The following ATP2C1 variants were observed in gnomAD, a reference collection of about 807,000 sequenced individuals.
ATP2C1 encodes ATPase secretory pathway Ca2+ transporting 1, also known as calcium-transporting ATPase type 2C member 1.
In ATP2C1, 31 loss-of-function variants were observed where a neutral mutation model predicts 120.5. The observed-to-expected ratio is 0.26, with a 90% CI of 0.19 to 0.35. The LOEUF (loss-of-function observed/expected upper bound fraction) is 0.35, where lower values mean the gene tolerates loss of function less well. Among genes scored for constraint, ATP2C1 ranks in the 10% least tolerant of loss-of-function variants. The pLI is 1.00. For synonymous variants in ATP2C1, 351 were observed against 358.7 expected, an observed-to-expected ratio of 0.98 and a Z score of 0.24; for missense variants, 731 against 1,107.5, an observed-to-expected ratio of 0.66 and a Z score of 4.83.
In ATP2C1 at chr3:130,964,038, A is replaced by G; in HGVS notation, c.967A>G (p.Met323Val). ...VVTVTLALGV[M>V]RMVKKRAIVK... is the part of the protein sequence containing the mutation. ...CACAGTGACGCTAGCTCTTGGTGTT[A>G]TGAGAATGGTGAAGAAAAGGGCCAT... The change falls in exon 13 of 28, where the codon ATG becomes GTG. Residue 323 changes from methionine to valine, a missense_variant. Around this residue, in one of 3 missense-constraint regions of ATP2C1, gnomAD observed 571 missense variants for 845.9 expected, o/e 0.67. Coordinates refer to ENST00000510168, the MANE Select transcript of ATP2C1 (RefSeq NM_001378687.1). The G allele has an allele frequency of 1.2e-6, 2 of 1,612,786 alleles. No individual in the cohort carries two copies. Among genetic ancestry groups the G allele is most frequent in the Non-Finnish European group, 1.7e-6 (2 of 1,178,996 alleles).
chr3:130,893,853 C>A, upstream of ATP2C1: 1 of 889,092 alleles, frequency 1.1e-6, no homozygotes, highest in Non-Finnish European at 1.3e-6. Flanking sequence ...CAACCCCGAG[C>A]GACCTCCTAC....
intron 20 of ATP2C1, among the ~76,000 whole-genome samples, chr3:130,987,364 TGTA>T (rs2062069630): frequency 6.6e-6 from 1 of 151,992 alleles, no homozygotes; most frequent in Non-Finnish European, 1.5e-5. Context: ...TAGGCTAGAG[TGTA>T]GTGGTGTGAC....
chr3:130,918,230 G>C (rs749184494), intron 2 of ATP2C1: 3 of 1,471,796 alleles, frequency 2.0e-6, no homozygotes, highest in Non-Finnish European at 2.8e-6. Context: ...TACTGGGCAT[G>C]AACAAGAGCC....
At chr3:130,918,274 A>C in intron 2 of ATP2C1, 1 of 1,547,672 alleles carries the variant, frequency 6.5e-7, no homozygotes, top group Non-Finnish European at 8.9e-7. Context: ...CCTTGGGCCC[A>C]AAGTTCTTTG....
At chr3:130,956,061 A>G (rs1188241589) in intron 10 of ATP2C1, 43 bp from the exon 11 acceptor site, 1 of 1,358,846 alleles carries the variant, frequency 7.4e-7, no homozygotes, top group East Asian at 2.3e-5. Flanking sequence ...AAAGCTTAGT[A>G]AATATAGCTA....
chr3:130,985,715 T>C (rs1438936714), intron 20 of ATP2C1, among the ~76,000 whole-genome samples: 1 of 135,312 alleles, frequency 7.4e-6, no homozygotes, highest in Non-Finnish European at 1.5e-5. Flanking sequence ...AAATATGACA[T>C]GGAAAAGCAT....
chr3:130,984,269 A>G (rs2108807567), intron 20 of ATP2C1, among the ~76,000 whole-genome samples: 2 of 152,056 alleles, frequency 1.3e-5, no homozygotes, highest in African/African-American at 4.8e-5. Flanking sequence ...CCCAACTCTG[A>G]TTATTATTAT....
At chr3:130,965,860 A>G (rs2061026265) in intron 14 of ATP2C1, among the ~76,000 whole-genome samples, 1 of 152,130 alleles carries the variant, frequency 6.6e-6, no homozygotes, top group African/African-American at 2.4e-5. Flanking sequence ...AGCAGGAGCT[A>G]TATTGCCTAG....
At chr3:130,889,414 T>G (rs1278023275), upstream of ATP2C1, among the ~76,000 whole-genome samples, 4 of 152,166 alleles carry the variant, frequency 2.6e-5, no homozygotes, top group African/African-American at 4.8e-5. Context: ...AAGCACAGGC[T>G]CAGCTAAAAT....
chr3:131,015,334 T>G, intron 26 of ATP2C1: 1 of 644,252 alleles, frequency 1.6e-6, no homozygotes, highest in Non-Finnish European at 2.8e-6. Context: ...CAAAACACAA[T>G]CTATCTCCTT....
intron 24 of ATP2C1, among the ~76,000 whole-genome samples, chr3:130,997,336 T>C (rs1006782540): frequency 6.6e-6 from 1 of 152,200 alleles, no homozygotes; most frequent in Admixed American, 6.5e-5. Flanking sequence ...GTATTTGAAA[T>C]AGGTAAACTT....
intron 2 of ATP2C1, among the ~76,000 whole-genome samples, chr3:130,919,887 C>T (rs188199203): frequency 6.6e-6 from 1 of 152,190 alleles, no homozygotes; most frequent in Non-Finnish European, 1.5e-5. Flanking sequence ...TAATAGTTTT[C>T]CTTACAGGTG....
chr3:131,003,965 C>T (rs895660270), downstream of ATP2C1, among the ~76,000 whole-genome samples: 1 of 152,186 alleles, frequency 6.6e-6, no homozygotes, highest in East Asian at 1.9e-4. Context: ...ATATGACTCA[C>T]CCATGAAGTT....
chr3:130,936,093 C>T (rs2059657721), intron 5 of ATP2C1, among the ~76,000 whole-genome samples: 1 of 152,078 alleles, frequency 6.6e-6, no homozygotes, highest in South Asian at 2.1e-4. Context: ...TTCAGGTTTT[C>T]AAGCAATAAT....
At chr3:130,862,160 T>G (rs1357832476) in intron 1 of ATP2C1, among the ~76,000 whole-genome samples, 1 of 150,518 alleles carries the variant, frequency 6.6e-6, no homozygotes, top group African/African-American at 2.4e-5. Context: ...TTTTTTTGTA[T>G]TTTTAGTAGA....
At chr3:130,945,516 T>TC (rs2060110254) in intron 8 of ATP2C1, among the ~76,000 whole-genome samples, 1 of 72,406 alleles carries the variant, frequency 1.4e-5, no homozygotes, top group African/African-American at 5.6e-5. Context: ...CCCTCCCCCC[T>TC]CCCCCCACCC....
rs2060716242 is a variant in ATP2C1, at chr3:130,959,310, G to A, written c.868G>A (p.Asp290Asn). Reference sequence around the variant, plus strand: ...GTTGGTTGGCTGGTTACTGGGAAAAGATATCCTGGAAATGTTTACTATTAG... The same window carrying A: ...GTTGGTTGGCTGGTTACTGGGAAAAAATATCCTGGAAATGTTTACTATTAG... ...IMLVGWLLGK[D>N]ILEMFTISVS... The change falls in exon 12 of 28, where the codon GAT becomes AAT. Residue 290 changes from aspartate to asparagine, a missense_variant. Asp to Asn is a conservative substitution (Grantham distance 23, BLOSUM62 1). Transcript: ENST00000510168. 1 of 1,608,996 alleles carries A rather than the reference G, an allele frequency of 6.2e-7. No homozygotes were observed. The highest frequency in any genetic ancestry group is 8.5e-7 in the Non-Finnish European group (1 of 1,176,144).
chr3:131,008,702 A>G (rs2063207238), intron 26 of ATP2C1, among the ~76,000 whole-genome samples: 2 of 152,162 alleles, frequency 1.3e-5, no homozygotes, highest in African/African-American at 2.4e-5. Flanking sequence ...AAAAGAGGAA[A>G]ATAGGCCCTG....
rs1341543519 is a variant in ATP2C1, at chr3:130,963,976, C to T, written c.905C>T (p.Ala302Val). The T allele has an allele frequency of 1.9e-6, 3 of 1,612,562 alleles. No individual in the cohort carries two copies. Among genetic ancestry groups the T allele is most frequent in the Non-Finnish European group, 2.5e-6 (3 of 1,178,856 alleles). The change falls in exon 13 of 28, where the codon GCT becomes GTT. Residue 302 changes from alanine (A) to valine (V), a missense_variant. Physicochemically the swap from Ala to Val is moderately conservative, Grantham distance 64. Coordinates refer to ENST00000510168, the MANE Select transcript of ATP2C1 (RefSeq NM_001378687.1). ...TTTGTATATGTTGGTTATAGTTTGG[C>T]TGTAGCAGCAATTCCTGAAGGTCTC... ...LEMFTISVSL[A>V]VAAIPEGLPI...
Sources: allele counts gnomAD v4.1 joint callset (sites outside exome capture counted in the v4.1 genomes callset), GRCh38; gene constraint gnomAD v4.1.1; regional missense constraint gnomAD v4.1.1; transcripts MANE v1.5; gene names NCBI Gene and HGNC (gene_info 2026-07-23, HGNC 2026-07-21).